The following LRRC7 variants were observed in gnomAD, a reference collection of about 807,000 sequenced individuals.
LRRC7 encodes the protein leucine rich repeat containing 7.
In LRRC7, 23 loss-of-function variants were observed where a neutral mutation model predicts 175.7. The observed-to-expected ratio is 0.13, with a 90% confidence interval of 0.09 to 0.19. The LOEUF is 0.19. Ranked by LOEUF, LRRC7 falls within the 10% of genes least tolerant of loss-of-function variation. The pLI is 1.00. For synonymous variants in LRRC7, 685 were observed against 680.9 expected, an observed-to-expected ratio of 1.01 and a Z score of -0.09; for missense variants, 1,354 against 1,904.7, an observed-to-expected ratio of 0.71 and a Z score of 5.38.
chr1:69,852,565 A>T (rs1913273), intron 7 of LRRC7, among the ~76,000 whole-genome samples: 2 of 151,958 alleles, frequency 1.3e-5, no homozygotes, highest in African/African-American at 4.8e-5. Context: ...TATCCTTGGC[A>T]AGAGTTCACT....
chr1:69,720,417 G>T (rs562119128), intron 2 of LRRC7, among the ~76,000 whole-genome samples: 1 of 151,656 alleles, frequency 6.6e-6, no homozygotes, highest in South Asian at 2.1e-4. Context: ...GTGCCATTAT[G>T]AAGACATTTT....
At chr1:69,768,544 C>G (rs1569644926) in intron 3 of LRRC7, among the ~76,000 whole-genome samples, 2 of 152,280 alleles carry the variant, frequency 1.3e-5, no homozygotes, top group East Asian at 3.9e-4. Flanking sequence ...TATTAAGATA[C>G]TGCCTAACTA....
intron 4 of LRRC7, among the ~76,000 whole-genome samples, chr1:69,824,561 G>A (rs67024201): frequency 0.1 from 15,122 of 151,940 alleles, 1,263 homozygotes; most frequent in African/African-American, 0.23. Context: ...GAGAAACATC[G>A]CAAACCCCAC....
chr1:69,764,949 C>G (rs982565806), intron 3 of LRRC7, among the ~76,000 whole-genome samples: 5 of 151,958 alleles, frequency 3.3e-5, no homozygotes, highest in African/African-American at 4.8e-5. Context: ...CAGGATAGTT[C>G]TAGTGTTGAC....
At chr1:69,833,952 T>C (rs961296970) in intron 5 of LRRC7, among the ~76,000 whole-genome samples, 2 of 152,090 alleles carry the variant, frequency 1.3e-5, no homozygotes, top group African/African-American at 4.8e-5. Flanking sequence ...GAGTATTTTA[T>C]AAAATAACAT....
chr1:69,865,179 A>C (rs771972557), intron 7 of LRRC7, among the ~76,000 whole-genome samples: 6 of 152,114 alleles, frequency 3.9e-5, no homozygotes, highest in Non-Finnish European at 5.9e-5. Context: ...GGGTAACTTA[A>C]GCACCAGGGC....
chr1:70,054,436 T>C (rs1291706057), intron 23 of LRRC7, among the ~76,000 whole-genome samples: 1 of 152,052 alleles, frequency 6.6e-6, no homozygotes, highest in Admixed American at 6.5e-5. Flanking sequence ...AGAAACCTAT[T>C]GTTATAAGTA....
intron 8 of LRRC7, among the ~76,000 whole-genome samples, chr1:69,972,388 G>A (rs1031214044): frequency 1.1e-4 from 16 of 152,134 alleles, no homozygotes; most frequent in African/African-American, 3.9e-4. Context: ...GGACTAATGT[G>A]CAGAATCTAC....
chr1:69,916,149 ATT>A (rs1437337460), intron 7 of LRRC7, among the ~76,000 whole-genome samples: 1 of 125,700 alleles, frequency 8.0e-6, no homozygotes, highest in South Asian at 2.3e-4. Context: ...TAATATATAT[ATT>A]ATATACATAT....
chr1:69,678,346 G>C (rs772445134), intron 1 of LRRC7, 35 bp from the exon 2 acceptor site: 1 of 1,400,994 alleles, frequency 7.1e-7, no homozygotes, highest in Admixed American at 2.0e-5. Flanking sequence ...CCAAAAAAAA[G>C]AGTATGAAAA....
chr1:69,682,412 C>A (rs1351944286), intron 2 of LRRC7, among the ~76,000 whole-genome samples: 1 of 152,062 alleles, frequency 6.6e-6, no homozygotes, highest in Non-Finnish European at 1.5e-5. Flanking sequence ...GATCATGGGG[C>A]CATCTTAGAA....
intron 23 of LRRC7, among the ~76,000 whole-genome samples, chr1:70,055,878 A>AATATC (rs1661112385): frequency 6.6e-6 from 1 of 152,194 alleles, no homozygotes; most frequent in African/African-American, 2.4e-5. Flanking sequence ...TCATAGATCC[A>AATATC]ATATCATGAT....
chr1:69,760,261 T>C lies in LRRC7; in HGVS notation c.171T>C (p.Gly57=). 6.2e-7 allele frequency: 1 copy of C among 1,612,742 alleles called. No individual in the cohort carries two copies. Among genetic ancestry groups the C allele is most frequent in the Non-Finnish European group, 8.5e-7 (1 of 1,179,306 alleles). ...GRLVPCRCFR[G]EEEIISVLDY... is the part of the protein sequence containing the mutation. ...TGGTGCCATGCCGATGTTTCCGAGGTGAAGAAGAAATCATCTCAGTTTTAG... is the reference window on the plus strand; with the variant it reads ...TGGTGCCATGCCGATGTTTCCGAGGCGAAGAAGAAATCATCTCAGTTTTAG... Residue 57 remains glycine (G), a synonymous_variant, in exon 3 of 27, where the codon GGT becomes GGC. Coordinates refer to ENST00000651989, the MANE Select transcript of LRRC7 (RefSeq NM_001370785.2).
intron 9 of LRRC7, among the ~76,000 whole-genome samples, chr1:69,985,847 A>G (rs1046798688): frequency 1.3e-5 from 2 of 152,198 alleles, no homozygotes; most frequent in Non-Finnish European, 2.9e-5. Context: ...ATTTCATTAT[A>G]TGTATATGCC....
intron 7 of LRRC7, among the ~76,000 whole-genome samples, chr1:69,928,530 C>G (rs1052195191): frequency 6.6e-6 from 1 of 152,228 alleles, no homozygotes; most frequent in African/African-American, 2.4e-5. Flanking sequence ...CCTCCCCCAG[C>G]GTTGCTGCCG....
intron 18 of LRRC7, among the ~76,000 whole-genome samples, chr1:70,030,003 C>G (rs1463350721): frequency 6.6e-6 from 1 of 152,112 alleles, no homozygotes; most frequent in Admixed American, 6.6e-5. Context: ...GAGAGATGTC[C>G]TGATTTCTTT....
chr1:69,926,492 C>T (rs1647078130), intron 7 of LRRC7, among the ~76,000 whole-genome samples: 2 of 140,024 alleles, frequency 1.4e-5, no homozygotes, highest in South Asian at 4.6e-4. Flanking sequence ...CTGGGTGCTC[C>T]TGTATCAGGT....
Position 70,021,238 on chromosome 1 carries a change from A to AT in LRRC7, c.1545+110dup, listed in dbSNP as rs1461243942. On this transcript the variant is annotated intron_variant, in intron 16 of 26. Transcript: ENST00000651989. Reference sequence around the variant, plus strand: ...AAAGTCAGATACTTCTTCAAGTCTCATGGCGGTACCTTTCATTACAGCATG... The same window carrying AT: ...AAAGTCAGATACTTCTTCAAGTCTCATTGGCGGTACCTTTCATTACAGCATG... The AT allele has an allele frequency of 2.2e-5, 23 of 1,034,624 alleles. No individual in the cohort carries two copies. In the Admixed American group the frequency reaches 5.1e-4, roughly 23 times the overall value. 64.1% of individuals were successfully genotyped at this position (1,034,624 alleles called of 1,614,324 possible).
chr1:70,102,890 T>C (rs558194565), intron 25 of LRRC7, among the ~76,000 whole-genome samples: 1 of 152,210 alleles, frequency 6.6e-6, no homozygotes, highest in East Asian at 1.9e-4. Context: ...GCTATGCTCT[T>C]GACCACTGCT....
Sources: gnomAD v4.1 joint callset for allele counts (sites outside exome capture counted in the v4.1 genomes callset) on GRCh38, gnomAD v4.1.1 for gene constraint, MANE v1.5 for transcripts, NCBI Gene and HGNC (gene_info 2026-07-23, HGNC 2026-07-21) for gene names.